CNTLN: variants seen among roughly 807,000 people sequenced by gnomAD.
CNTLN encodes the protein centlein, centrosomal protein.
Under a neutral mutation model 180.0 loss-of-function variants are expected in CNTLN, and 212 were observed. The observed-to-expected ratio is 1.18, with a 90% CI of 1.05 to 1.32. The LOEUF (loss-of-function observed/expected upper bound fraction) is 1.32. Among genes scored for constraint, CNTLN ranks in the 40% most tolerant of loss-of-function variants. CNTLN has a pLI of 0.00. For missense variants in CNTLN, 2,095 were observed against 1,610.9 expected (o/e 1.30, Z -5.14); for synonymous variants, 722 against 563.1 (o/e 1.28, Z -3.99).
chr9:17,143,951 C>G (rs1279701987), intron 2 of CNTLN, among the ~76,000 whole-genome samples: 1 of 152,186 alleles, frequency 6.6e-6, no homozygotes, highest in Non-Finnish European at 1.5e-5. Context: ...TTCTCTCTAT[C>G]AAACATTTGG....
chr9:17,215,366 G>A (rs10962909), intron 2 of CNTLN, among the ~76,000 whole-genome samples: 27,182 of 152,110 alleles, frequency 0.18, 2,586 homozygotes, highest in South Asian at 0.28. Flanking sequence ...GCAGAACAGC[G>A]AATTTTGCTG....
chr9:17,472,430 T>C (rs1269044929), intron 23 of CNTLN, among the ~76,000 whole-genome samples: 3 of 152,142 alleles, frequency 2.0e-5, no homozygotes, highest in South Asian at 4.1e-4. Context: ...AACACAATTC[T>C]GTTATGACTT....
intron 19 of CNTLN, among the ~76,000 whole-genome samples, chr9:17,458,603 G>A (rs1225579414): frequency 2.0e-5 from 3 of 151,846 alleles, no homozygotes; most frequent in African/African-American, 4.8e-5. Context: ...GTCCCAAATA[G>A]GATATGTGCA....
At chr9:17,438,192 C>T (rs1388964700) in intron 18 of CNTLN, among the ~76,000 whole-genome samples, 1 of 151,974 alleles carries the variant, frequency 6.6e-6, no homozygotes, top group Non-Finnish European at 1.5e-5. Context: ...TTTTAAAGCT[C>T]TCAGGTGATT....
At chr9:17,346,758 CT>C (rs1351222752) in intron 12 of CNTLN, among the ~76,000 whole-genome samples, 4 of 152,082 alleles carry the variant, frequency 2.6e-5, no homozygotes, top group Admixed American at 2.6e-4. Flanking sequence ...AGGTTTGTGA[CT>C]TTTGTCAAAT....
At chr9:17,292,843 C>T (rs1307783372) in intron 6 of CNTLN, among the ~76,000 whole-genome samples, 1 of 140,232 alleles carries the variant, frequency 7.1e-6, no homozygotes, top group Non-Finnish European at 1.6e-5. Context: ...TGTGCTCTTC[C>T]TAGAGAGGTA....
chr9:17,511,948 G>C, the CNTLN span, among the ~76,000 whole-genome samples: 1 of 152,060 alleles, frequency 6.6e-6, no homozygotes, highest in Non-Finnish European at 1.5e-5. Flanking sequence ...CTACTTCTTG[G>C]TACCACCATA....
rs142430456 is a variant in CNTLN at position 17,348,019 on chromosome 9, C to T, written c.1886+5575C>T. 4.6e-5 allele frequency among the ~76,000 whole-genome samples: 7 copies of T among 152,018 alleles called. No individual in the cohort carries two copies. The East Asian group carries it at 5.8e-4, about 13-fold the overall frequency. On this transcript the variant is annotated intron_variant, in intron 12 of 25. Coordinates refer to ENST00000380647, the MANE Select transcript of CNTLN (RefSeq NM_017738.4). ...GCTATTTTTTGTATTTTTGTAGAAA[C>T]GGGGTTTCACCATGTTGGTCAGTCT...
intron 18 of CNTLN, among the ~76,000 whole-genome samples, chr9:17,445,569 T>TTG (rs970650702): frequency 4.0e-4 from 61 of 152,194 alleles, no homozygotes; most frequent in African/African-American, 1.4e-3. Context: ...AAGATGTGCT[T>TTG]TGTTAAACAG....
intron 13 of CNTLN, among the ~76,000 whole-genome samples, chr9:17,380,794 C>G (rs1825185137): frequency 6.6e-6 from 1 of 152,182 alleles, no homozygotes; most frequent in South Asian, 2.1e-4. Flanking sequence ...TAAACAATAG[C>G]AAGCATTTAT....
At chr9:17,318,878 A>G (rs1291978521) in intron 8 of CNTLN, among the ~76,000 whole-genome samples, 4 of 138,314 alleles carry the variant, frequency 2.9e-5, no homozygotes, top group African/African-American at 5.3e-5. Context: ...CCATCCATCC[A>G]TTAAACCTTC....
intron 5 of CNTLN, among the ~76,000 whole-genome samples, chr9:17,258,960 C>T (rs921638854): frequency 6.6e-6 from 1 of 150,430 alleles, no homozygotes; most frequent in Non-Finnish European, 1.5e-5. Flanking sequence ...ATTGAATACC[C>T]TTTATTTCCT....
At position 17,143,371 on chromosome 9, in the gene CNTLN, G is replaced by A; in HGVS notation, c.444G>A (p.Val148=). ...TCACACAAGTGGTCAGTTTGGTTGTGGAAAGGTGAGCTCTCAAATTATTTT... is the reference window on the plus strand; with the variant it reads ...TCACACAAGTGGTCAGTTTGGTTGTAGAAAGGTGAGCTCTCAAATTATTTT... The part of the protein sequence containing the change: ...PDLTQVVSLV[V]EREKQKSEAK... Residue 148 remains valine (V), a synonymous_variant, in exon 2 of 26, where the codon GTG becomes GTA. Coordinates refer to ENST00000380647, the MANE Select transcript of CNTLN (RefSeq NM_017738.4). 2 of 1,612,200 alleles carry A rather than the reference G, an allele frequency of 1.2e-6. No individual in the cohort carries two copies. The highest frequency in any genetic ancestry group is 4.5e-5 in the East Asian group (2 of 44,812).
At position 17,279,477 on chromosome 9, in the gene CNTLN, C is replaced by G. The variant is rs145254287; in HGVS notation, c.983+5611C>G. On this transcript the variant is annotated intron_variant, in intron 6 of 25. Transcript: ENST00000380647. ...AGGCTTTGCAAATGTTTTAAAGGAGCCGTTGTTTGATTTGCCTTTGCTTTT... is the reference window on the plus strand; with the variant it reads ...AGGCTTTGCAAATGTTTTAAAGGAGGCGTTGTTTGATTTGCCTTTGCTTTT... Among the ~76,000 whole-genome samples the G allele has an allele frequency of 7.8e-4, 119 of 152,218 alleles. 1 individual carries two copies. The highest frequency in any genetic ancestry group is 2.5e-3 in the African/African-American group (103 of 41,532).
intron 12 of CNTLN, among the ~76,000 whole-genome samples, chr9:17,363,197 G>A (rs529486215): frequency 5.3e-5 from 8 of 152,298 alleles, no homozygotes; most frequent in African/African-American, 1.7e-4. Context: ...AAGTGCGTGT[G>A]CCTTTATAGT....
intron 18 of CNTLN, among the ~76,000 whole-genome samples, chr9:17,416,548 G>C (rs1182722591): frequency 6.6e-6 from 1 of 152,158 alleles, no homozygotes; most frequent in Admixed American, 6.5e-5. Context: ...GCCTATGTTT[G>C]AAACTTTGTG....
At position 17,457,566 on chromosome 9, in the gene CNTLN, G is replaced by C. The variant is rs1588041900; in HGVS notation, c.3157G>C (p.Asp1053His). The C allele has an allele frequency of 6.5e-7, 1 of 1,528,810 alleles. No homozygotes were observed. 94.7% of individuals were successfully genotyped at this position (1,528,810 alleles called of 1,614,324 possible). ...DLAGLRKEKE[D>H]LLKKLESSSE... ...GGCTGGGCTTCGGAAAGAAAAAGAA[G>C]ATTTACTAAAGAAATTGGAGTCCTC... The change falls in exon 19 of 26, where the codon GAT becomes CAT. Residue 1053 changes from aspartate to histidine, a missense_variant. Physicochemically the swap from Asp to His is moderately conservative, Grantham distance 81. Transcript: ENST00000380647.
At chr9:17,506,529 G>C (rs538032307), downstream of CNTLN, among the ~76,000 whole-genome samples, 1 of 152,114 alleles carries the variant, frequency 6.6e-6, no homozygotes, top group South Asian at 2.1e-4. Flanking sequence ...TGGGACAGCG[G>C]AAAGAGTGAA....
rs934705333 is a variant in CNTLN at position 17,183,483 on chromosome 9, G to GT, written c.449+40117dup. Among the ~76,000 whole-genome samples, 320 of 145,496 alleles carry GT rather than the reference G, an allele frequency of 2.2e-3. 2 individuals carry two copies. Among genetic ancestry groups the GT allele is most frequent in the African/African-American group, 6.5e-3 (258 of 39,886 alleles). On this transcript the variant is annotated intron_variant, in intron 2 of 25. Coordinates refer to ENST00000380647, the MANE Select transcript of CNTLN (RefSeq NM_017738.4). ...AATTAATGAACACTTTTTTCTATTTGTTTTTTTTTTGTAAAAAAGGAGAAG... is the reference window on the plus strand; with the variant it reads ...AATTAATGAACACTTTTTTCTATTTGTTTTTTTTTTTGTAAAAAAGGAGAAG...
Sources: gnomAD v4.1 joint callset for allele counts (sites outside exome capture counted in the v4.1 genomes callset) on GRCh38, gnomAD v4.1.1 for gene constraint, MANE v1.5 for transcripts, NCBI Gene and HGNC (gene_info 2026-07-23, HGNC 2026-07-21) for gene names.